SMAD5: variants seen among roughly 807,000 people sequenced by gnomAD.
SMAD5 encodes the protein MAD, mothers against decapentaplegic homolog 5.
A neutral mutation model predicts 43.1 loss-of-function variants in SMAD5; 9 were observed. That is an observed-to-expected ratio of 0.21 (90% CI 0.13 to 0.36). The LOEUF is 0.36. Among genes scored for constraint, SMAD5 ranks in the 10% least tolerant of loss-of-function variants. The pLI is 1.00. For synonymous variants in SMAD5, 190 were observed against 192.4 expected, an observed-to-expected ratio of 0.99 and a Z score of 0.10; for missense variants, 348 against 574.0, an observed-to-expected ratio of 0.61 and a Z score of 4.02.
intron 3 of SMAD5, among the ~76,000 whole-genome samples, chr5:136,156,097 G>C (rs532416861): frequency 1.3e-5 from 2 of 152,194 alleles, no homozygotes; most frequent in Non-Finnish European, 1.5e-5. Flanking sequence ...CTTATCAGAA[G>C]CTCAATTAGG....
intron 1 of SMAD5, among the ~76,000 whole-genome samples, chr5:136,137,400 T>C (rs1318499510): frequency 6.6e-6 from 1 of 152,148 alleles, no homozygotes; most frequent in Non-Finnish European, 1.5e-5. Context: ...TATGTTGTTT[T>C]GTTATACCGA....
At chr5:136,159,448 T>C (rs1275454072) in intron 3 of SMAD5, among the ~76,000 whole-genome samples, 1 of 152,162 alleles carries the variant, frequency 6.6e-6, no homozygotes, top group Non-Finnish European at 1.5e-5. Flanking sequence ...TGTCCACATA[T>C]TAACATTATT....
intron 4 of SMAD5, among the ~76,000 whole-genome samples, chr5:136,161,813 G>A (rs1753833725): frequency 6.6e-6 from 1 of 152,176 alleles, no homozygotes; most frequent in Non-Finnish European, 1.5e-5. Flanking sequence ...GTCCTCACTT[G>A]ATGTCATTGA....
At chr5:136,158,617 G>A (rs1753719903) in intron 3 of SMAD5, among the ~76,000 whole-genome samples, 1 of 152,064 alleles carries the variant, frequency 6.6e-6, no homozygotes, top group African/African-American at 2.4e-5. Flanking sequence ...TGGAAGATCT[G>A]GGCCTGGCAC....
intron 1 of SMAD5, chr5:136,133,666 G>A (rs1752762825): frequency 6.6e-6 from 1 of 152,670 alleles, no homozygotes. Context: ...CGCTGGCCGG[G>A]TCCTATACTT....
chr5:136,155,997 C>T (rs1753623268), intron 3 of SMAD5, among the ~76,000 whole-genome samples: 1 of 152,120 alleles, frequency 6.6e-6, no homozygotes, highest in Non-Finnish European at 1.5e-5. Flanking sequence ...ATGTTTATTA[C>T]CTCACAGTTT....
intron 4 of SMAD5, 143 bp downstream of exon 4, chr5:136,161,250 A>G (rs1753818253): frequency 1.3e-6 from 1 of 775,190 alleles, no homozygotes; most frequent in East Asian, 2.7e-5. Context: ...TAATTGTTTG[A>G]TTTCCAGAAG....
chr5:136,163,884 A>T (rs187809588), intron 5 of SMAD5, among the ~76,000 whole-genome samples: 1 of 152,164 alleles, frequency 6.6e-6, no homozygotes, highest in Non-Finnish European at 1.5e-5. Context: ...TATTTTGATT[A>T]TTATAAACAT....
intron 5 of SMAD5, among the ~76,000 whole-genome samples, chr5:136,166,668 A>G (rs2149776910): frequency 6.6e-6 from 1 of 152,362 alleles, no homozygotes; most frequent in African/African-American, 2.4e-5. Context: ...ATTAGACAAT[A>G]CATGTAATGA....
chr5:136,138,075 A>G (rs915686189), intron 1 of SMAD5, among the ~76,000 whole-genome samples: 5 of 152,216 alleles, frequency 3.3e-5, no homozygotes, highest in African/African-American at 1.2e-4. Flanking sequence ...CACATCTGGT[A>G]GCAATGTAGG....
chr5:136,173,670 T>C (rs1000215877), intron 6 of SMAD5, among the ~76,000 whole-genome samples: 2 of 152,046 alleles, frequency 1.3e-5, no homozygotes, highest in African/African-American at 4.8e-5. Context: ...TTCCCCAGCA[T>C]ATAGTTCTAG....
chr5:136,139,646 T>A (rs1219702765), intron 1 of SMAD5, among the ~76,000 whole-genome samples: 1 of 152,170 alleles, frequency 6.6e-6, no homozygotes, highest in Non-Finnish European at 1.5e-5. Flanking sequence ...TCGCTGCTTT[T>A]ATCATTGCTG....
chr5:136,175,064 A>G lies in SMAD5; in HGVS notation c.1254+432A>G, dbSNP rs575993934. On this transcript the variant is annotated intron_variant, in intron 7 of 7. Coordinates refer to ENST00000545279, the MANE Select transcript of SMAD5 (RefSeq NM_005903.7). ...CGGAAGGTGAAGGAGGAGCAAAGTCATATCTTACATGGCGGCAGGCAAGAG... is the reference window on the plus strand; with the variant it reads ...CGGAAGGTGAAGGAGGAGCAAAGTCGTATCTTACATGGCGGCAGGCAAGAG... Among the ~76,000 whole-genome samples, 56 of 152,346 alleles carry G rather than the reference A, an allele frequency of 3.7e-4. 1 individual carries two copies. The Middle Eastern group carries it at 0.02, about 56-fold the overall frequency.
intron 1 of SMAD5, among the ~76,000 whole-genome samples, chr5:136,136,906 A>G (rs754753696): frequency 6.6e-6 from 1 of 152,090 alleles, no homozygotes; most frequent in Non-Finnish European, 1.5e-5. Context: ...CTCGTTGGCC[A>G]GGCTGGTCTC....
chr5:136,137,015 TG>T (rs1427290716), intron 1 of SMAD5, among the ~76,000 whole-genome samples: 3 of 142,300 alleles, frequency 2.1e-5, no homozygotes, highest in African/African-American at 8.3e-5. Context: ...TATTTAGTTT[TG>T]ATTTTTTTTT....
chr5:136,147,458 T>A (rs958921474), intron 1 of SMAD5: 1 of 151,868 alleles, frequency 6.6e-6, no homozygotes, highest in African/African-American at 2.4e-5. Flanking sequence ...GAAGAACAAT[T>A]ACAGACCTGT....
chr5:136,149,259 G>A (rs781318994), intron 2 of SMAD5, among the ~76,000 whole-genome samples: 6 of 151,756 alleles, frequency 4.0e-5, no homozygotes, highest in Non-Finnish European at 8.8e-5. Flanking sequence ...TCCAGTTTGG[G>A]ACTATTATAA....
intron 1 of SMAD5, among the ~76,000 whole-genome samples, chr5:136,145,855 G>C (rs1753240592): frequency 6.6e-6 from 1 of 151,888 alleles, no homozygotes; most frequent in African/African-American, 2.4e-5. Flanking sequence ...CGGTGCTGTA[G>C]TTCCTCATCC....
chr5:136,148,074 A>G (rs1024565969), intron 2 of SMAD5, among the ~76,000 whole-genome samples, 168 bp downstream of exon 2: 1 of 151,810 alleles, frequency 6.6e-6, no homozygotes, highest in African/African-American at 2.4e-5. Context: ...TTTTATCTTG[A>G]AGAATGAAAC....
Sources: allele counts gnomAD v4.1 joint callset (sites outside exome capture counted in the v4.1 genomes callset), GRCh38; gene constraint gnomAD v4.1.1; transcripts MANE v1.5; gene names NCBI Gene and HGNC (gene_info 2026-07-23, HGNC 2026-07-21).